OPCML: variants seen among roughly 807,000 people sequenced by gnomAD.
OPCML encodes opioid binding protein/cell adhesion molecule like.
A neutral mutation model predicts 37.8 loss-of-function variants in OPCML; 13 were observed. The ratio of observed to expected loss-of-function variants is 0.34; its 90% CI spans 0.22 to 0.55. The LOEUF is 0.55. Ranked by LOEUF, OPCML falls within the 20% of genes least tolerant of loss-of-function variation. The probability of loss-of-function intolerance (pLI) is 0.91; values close to 1 mark genes in which losing one functional copy is unlikely to be tolerated. For synonymous variants in OPCML, 176 were observed against 168.8 expected, an observed-to-expected ratio of 1.04 and a Z score of -0.33; for missense variants, 341 against 435.6, an observed-to-expected ratio of 0.78 and a Z score of 1.93.
At chr11:132,963,960 A>T (rs905379753) in intron 1 of OPCML, among the ~76,000 whole-genome samples, 4 of 152,126 alleles carry the variant, frequency 2.6e-5, no homozygotes, top group African/African-American at 9.7e-5. Flanking sequence ...ATTCGATATC[A>T]GTTCAGGTGA....
chr11:132,902,380 C>T (rs1306398566), intron 2 of OPCML, among the ~76,000 whole-genome samples: 1 of 152,116 alleles, frequency 6.6e-6, no homozygotes, highest in Non-Finnish European at 1.5e-5. Context: ...GAGTAAGACA[C>T]CCTGTGTGAC....
At chr11:133,180,812 G>A (rs1218866353) in intron 1 of OPCML, among the ~76,000 whole-genome samples, 1 of 148,790 alleles carries the variant, frequency 6.7e-6, no homozygotes, top group Non-Finnish European at 1.5e-5. Flanking sequence ...AGCTAAGATT[G>A]TGGAGACAGC....
chr11:132,632,536 A>C lies in OPCML; in HGVS notation c.379+24551T>G, dbSNP rs1034333183. Among the ~76,000 whole-genome samples the C allele has an allele frequency of 1.2e-4, 19 of 152,106 alleles. 1 individual carries two copies. The highest frequency in any genetic ancestry group is 1.2e-3 in the Admixed American group (19 of 15,272). ...CTTCAAGTGATGTCTGTCTCTCTCCAGTGGCTCTATGATTCTCAGGATATC... is the reference window on the plus strand; with the variant it reads ...CTTCAAGTGATGTCTGTCTCTCTCCCGTGGCTCTATGATTCTCAGGATATC... On this transcript the variant is annotated intron_variant, in intron 3 of 7. Coordinates refer to ENST00000524381, the MANE Select transcript of OPCML (RefSeq NM_001012393.5).
rs572865049 is a variant in OPCML at position 132,457,493 on chromosome 11, G to A, written c.506-20134C>T. On this transcript the variant is annotated intron_variant, in intron 4 of 7. Coordinates refer to ENST00000524381, the MANE Select transcript of OPCML (RefSeq NM_001012393.5). ...TTGAGGCACTGATTATGGATGCTCCGTCAGTGAATGCTATGGGATTCCTGC... is the reference window on the plus strand; with the variant it reads ...TTGAGGCACTGATTATGGATGCTCCATCAGTGAATGCTATGGGATTCCTGC... Among the ~76,000 whole-genome samples, 25 of 152,316 alleles carry A rather than the reference G, an allele frequency of 1.6e-4. No homozygotes were observed. The South Asian group carries it at 3.9e-3, about 24-fold the overall frequency.
chr11:132,498,525 G>C (rs1439146645), intron 4 of OPCML, among the ~76,000 whole-genome samples: 1 of 152,218 alleles, frequency 6.6e-6, no homozygotes, highest in East Asian at 1.9e-4. Context: ...TTGAAGGAGA[G>C]ACTGTCTAAA....
At chr11:133,477,901 T>G (rs1023725256) in intron 1 of OPCML, among the ~76,000 whole-genome samples, 1 of 152,220 alleles carries the variant, frequency 6.6e-6, no homozygotes, top group Non-Finnish European at 1.5e-5. Context: ...TATCTGCTGC[T>G]GTTGTGAACC....
intron 2 of OPCML, among the ~76,000 whole-genome samples, chr11:132,806,072 C>T (rs10894610): frequency 0.22 from 33,870 of 151,708 alleles, 4,784 homozygotes; most frequent in Non-Finnish European, 0.33. Context: ...ATATCATTAG[C>T]CATAGAGAAA....
At chr11:133,242,401 G>A (rs538605154) in intron 1 of OPCML, among the ~76,000 whole-genome samples, 5 of 152,286 alleles carry the variant, frequency 3.3e-5, no homozygotes, top group African/African-American at 7.2e-5. Context: ...CACCTCAGAC[G>A]GTGTGGCTTA....
At chr11:132,876,737 C>T (rs1038162261) in intron 2 of OPCML, among the ~76,000 whole-genome samples, 9 of 152,068 alleles carry the variant, frequency 5.9e-5, no homozygotes, top group East Asian at 1.9e-4. Context: ...AAACGATGTG[C>T]GGAGATTGAA....
chr11:133,433,269 AAT>A (rs1555157900), intron 1 of OPCML, among the ~76,000 whole-genome samples: 1 of 151,532 alleles, frequency 6.6e-6, no homozygotes, highest in African/African-American at 2.4e-5. Flanking sequence ...AAAAAAAAAA[AAT>A]ATTACTGATG....
chr11:132,805,004 TTAAA>T (rs1415552997), intron 2 of OPCML, among the ~76,000 whole-genome samples: 1 of 152,118 alleles, frequency 6.6e-6, no homozygotes, highest in African/African-American at 2.4e-5. Flanking sequence ...AGTCAAAGAA[TTAAA>T]TAAAAATGTG....
chr11:132,714,237 A>G (rs1247009857), intron 2 of OPCML, among the ~76,000 whole-genome samples: 1 of 152,252 alleles, frequency 6.6e-6, no homozygotes, highest in Non-Finnish European at 1.5e-5. Flanking sequence ...TAAGATGTTA[A>G]GACATGTCAA....
In OPCML at chr11:132,436,152, A is replaced by G; in HGVS notation, c.850T>C (p.Tyr284His). Residue 284 changes from tyrosine (Y) to histidine (H), a missense_variant, in exon 7 of 8, where the codon TAT (tyrosine) becomes CAT (histidine). Tyr to His is a moderately conservative substitution (Grantham distance 83). Coordinates refer to ENST00000524381, the MANE Select transcript of OPCML (RefSeq NM_001012393.5). ...LTFFNVSEKD[Y>H]GNYTCVATNK... is the part of the protein sequence containing the mutation. ...GTGGCCACACAAGTATAGTTCCCAT[A>G]ATCCTTTTCTGAAACATTGAAGAAA... The G allele has an allele frequency of 6.2e-7, 1 of 1,614,184 alleles. No individual in the cohort carries two copies.
intron 1 of OPCML, among the ~76,000 whole-genome samples, chr11:133,330,704 G>A (rs1943599010): frequency 6.6e-6 from 1 of 151,526 alleles, no homozygotes; most frequent in Non-Finnish European, 1.5e-5. Flanking sequence ...GGGGAGGGCG[G>A]AAGGATAGCA....
At chr11:133,143,884 C>A (rs569060788) in intron 1 of OPCML, among the ~76,000 whole-genome samples, 1 of 152,322 alleles carries the variant, frequency 6.6e-6, no homozygotes, top group South Asian at 2.1e-4. Flanking sequence ...CCACATTGCT[C>A]TTTCTAAGAG....
At chr11:132,479,798 A>T (rs1031082735) in intron 4 of OPCML, among the ~76,000 whole-genome samples, 3 of 152,138 alleles carry the variant, frequency 2.0e-5, no homozygotes, top group Non-Finnish European at 4.4e-5. Context: ...ACTCCAACAG[A>T]CCTGCAGCTG....
chr11:133,520,623 G>C (rs1474009725), intron 1 of OPCML, among the ~76,000 whole-genome samples: 2 of 152,100 alleles, frequency 1.3e-5, no homozygotes, highest in African/African-American at 4.8e-5. Flanking sequence ...GTGTCAAAGA[G>C]GACCCCTCTT....
chr11:132,692,401 G>A (rs1479215489), intron 2 of OPCML, among the ~76,000 whole-genome samples: 1 of 152,126 alleles, frequency 6.6e-6, no homozygotes, highest in Non-Finnish European at 1.5e-5. Context: ...TTGGGACTTG[G>A]CAGTTTTCCT....
At chr11:133,155,582 T>A (rs557193080) in intron 1 of OPCML, among the ~76,000 whole-genome samples, 6 of 152,138 alleles carry the variant, frequency 3.9e-5, no homozygotes, top group African/African-American at 1.4e-4. Flanking sequence ...TTCACCCGCA[T>A]ACCCAGCCCA....
Sources: allele counts gnomAD v4.1 joint callset (sites outside exome capture counted in the v4.1 genomes callset), GRCh38; gene constraint gnomAD v4.1.1; transcripts MANE v1.5; gene names NCBI Gene and HGNC (gene_info 2026-07-23, HGNC 2026-07-21).